The following CSMD1 variants were observed in gnomAD, a reference collection of about 807,000 sequenced individuals.
The protein encoded by CSMD1 is CUB and sushi domain-containing protein 1.
CSMD1 carries 213 observed loss-of-function variants against 417.5 expected under a neutral mutation model. The ratio of observed to expected loss-of-function variants is 0.51; its 90% confidence interval spans 0.46 to 0.57. The LOEUF is 0.57. Ranked by LOEUF, CSMD1 falls within the 20% of genes least tolerant of loss-of-function variation. The pLI, the probability that CSMD1 is intolerant of heterozygous loss-of-function variation, is 0.00. For synonymous variants in CSMD1, 2,862 were observed against 1,736.8 expected (o/e 1.65, Z -16.11); for missense variants, 6,923 against 4,529.7 (o/e 1.53, Z -15.17).
chr8:4,196,018 T>C (rs1799320109), intron 3 of CSMD1, among the ~76,000 whole-genome samples: 1 of 152,042 alleles, frequency 6.6e-6, no homozygotes, highest in Non-Finnish European at 1.5e-5. Flanking sequence ...GAGACCATCC[T>C]GGCTAACACA....
At chr8:3,966,908 C>G (rs758582337) in intron 5 of CSMD1, among the ~76,000 whole-genome samples, 4 of 152,192 alleles carry the variant, frequency 2.6e-5, no homozygotes, top group Non-Finnish European at 4.4e-5. Flanking sequence ...GACTTGAATG[C>G]CGATGAATTA....
At chr8:4,197,203 A>G (rs761289282) in intron 3 of CSMD1, among the ~76,000 whole-genome samples, 5 of 152,216 alleles carry the variant, frequency 3.3e-5, no homozygotes, top group African/African-American at 4.8e-5. Context: ...AGCATTTTCC[A>G]GTAAGAGCAT....
At chr8:4,110,744 A>C (rs1471658034) in intron 3 of CSMD1, among the ~76,000 whole-genome samples, 1 of 152,072 alleles carries the variant, frequency 6.6e-6, no homozygotes, top group Non-Finnish European at 1.5e-5. Flanking sequence ...AACCATCCAG[A>C]GGTTCATGAA....
At chr8:4,898,672 C>T (rs544680660) in intron 1 of CSMD1, among the ~76,000 whole-genome samples, 1 of 151,924 alleles carries the variant, frequency 6.6e-6, no homozygotes, top group Non-Finnish European at 1.5e-5. Flanking sequence ...ATTATACAGA[C>T]AGGAAAGACT....
chr8:3,340,778 T>A (rs896679213), intron 23 of CSMD1, among the ~76,000 whole-genome samples: 1 of 152,176 alleles, frequency 6.6e-6, no homozygotes, highest in African/African-American at 2.4e-5. Context: ...AATTTTCTAT[T>A]ACAAATATAT....
chr8:4,796,390 G>C (rs949862871), intron 1 of CSMD1, among the ~76,000 whole-genome samples: 1 of 151,862 alleles, frequency 6.6e-6, no homozygotes, highest in Non-Finnish European at 1.5e-5. Flanking sequence ...TGATCTCCCT[G>C]TCTAAGGGCA....
intron 5 of CSMD1, among the ~76,000 whole-genome samples, chr8:3,872,349 C>T (rs542932269): frequency 6.6e-6 from 1 of 152,308 alleles, no homozygotes; most frequent in South Asian, 2.1e-4. Context: ...GGCAAAGTGC[C>T]AGGTGCTGTG....
chr8:3,971,240 C>CT, intron 5 of CSMD1, among the ~76,000 whole-genome samples: 1 of 152,272 alleles, frequency 6.6e-6, no homozygotes, highest in Non-Finnish European at 1.5e-5. Context: ...ACCATGCGCA[C>CT]TTCTGCCTGA....
intron 2 of CSMD1, among the ~76,000 whole-genome samples, chr8:4,429,496 A>C (rs1044070063): frequency 6.6e-6 from 1 of 151,730 alleles, no homozygotes; most frequent in South Asian, 2.1e-4. Context: ...GAAACAGATT[A>C]GCTTATATAA....
At position 4,829,956 on chromosome 8, in the gene CSMD1, A is replaced by C. The variant is rs149382361; in HGVS notation, c.85+164376T>G. 1.3e-3 allele frequency among the ~76,000 whole-genome samples: 204 copies of C among 152,148 alleles called. 1 individual carries two copies. Among genetic ancestry groups the C allele is most frequent in the African/African-American group, 4.8e-3 (200 of 41,502 alleles). On this transcript the variant is annotated intron_variant, in intron 1 of 69. Coordinates refer to ENST00000635120, the MANE Select transcript of CSMD1 (RefSeq NM_033225.6). ...CTGATGTAGAAAGAAAACACACACA[A>C]AAATTTTGCTTACAAACATATCGGA... is the stretch of plus-strand genomic sequence containing the variant.
At chr8:3,410,536 C>A (rs919136902) in intron 12 of CSMD1, among the ~76,000 whole-genome samples, 1 of 152,142 alleles carries the variant, frequency 6.6e-6, no homozygotes, top group African/African-American at 2.4e-5. Flanking sequence ...CCTGCACAAG[C>A]TTTCTCTTTG....
intron 1 of CSMD1, among the ~76,000 whole-genome samples, chr8:4,797,475 C>T (rs755527094): frequency 6.6e-5 from 10 of 152,160 alleles, no homozygotes; most frequent in Non-Finnish European, 1.2e-4. Context: ...ATTATGTTGG[C>T]GCAAAAGTCA....
intron 3 of CSMD1, among the ~76,000 whole-genome samples, chr8:4,281,808 A>G (rs1318895836): frequency 1.3e-5 from 2 of 152,222 alleles, no homozygotes; most frequent in Admixed American, 6.5e-5. Context: ...ATCTTATTAC[A>G]TTGTAAAACA....
chr8:3,056,240 A>C (rs1334062809), intron 49 of CSMD1, among the ~76,000 whole-genome samples: 1 of 152,246 alleles, frequency 6.6e-6, no homozygotes, highest in Non-Finnish European at 1.5e-5. Flanking sequence ...AAAAGTAAGT[A>C]GAAGAGACGT....
chr8:4,825,482 C>T (rs181943300), intron 1 of CSMD1, among the ~76,000 whole-genome samples: 1 of 152,174 alleles, frequency 6.6e-6, no homozygotes, highest in Non-Finnish European at 1.5e-5. Context: ...CTTTATACCT[C>T]TTGAAAGATC....
At chr8:4,916,111 G>T (rs1187485889) in intron 1 of CSMD1, among the ~76,000 whole-genome samples, 2 of 152,222 alleles carry the variant, frequency 1.3e-5, no homozygotes, top group African/African-American at 4.8e-5. Flanking sequence ...TGGTGCTTCA[G>T]CAGGAGTCTG....
chr8:3,588,063 C>T (rs765493875), intron 8 of CSMD1, among the ~76,000 whole-genome samples: 4 of 151,088 alleles, frequency 2.6e-5, no homozygotes, highest in Non-Finnish European at 5.9e-5. Context: ...TGTGTTTAAA[C>T]CTCATTTAAG....
At chr8:4,219,675 A>G (rs1292598169) in intron 3 of CSMD1, among the ~76,000 whole-genome samples, 2 of 152,240 alleles carry the variant, frequency 1.3e-5, no homozygotes, top group African/African-American at 4.8e-5. Flanking sequence ...TTTGGATAAT[A>G]CTGCTACACA....
rs187646873 is a variant in CSMD1 at position 4,451,149 on chromosome 8, A to T, written c.303-31084T>A. ...TCCAGACTAGCCTGGGCAACACAGT[A>T]AGACCCTGTCTCTATCAAAATAATA... is the stretch of plus-strand genomic sequence containing the variant. On this transcript the variant is annotated intron_variant, in intron 2 of 69. Transcript: ENST00000635120. Among the ~76,000 whole-genome samples the T allele has an allele frequency of 3.2e-4, 49 of 151,264 alleles. No individual in the cohort carries two copies. The East Asian group carries it at 8.9e-3, about 28-fold the overall frequency.
Sources: gnomAD v4.1 joint callset for allele counts (sites outside exome capture counted in the v4.1 genomes callset) on GRCh38, gnomAD v4.1.1 for gene constraint, MANE v1.5 for transcripts, NCBI Gene and HGNC (gene_info 2026-07-23, HGNC 2026-07-21) for gene names.